Variants in WDR41 observed in about 807,000 individuals in gnomAD.
The protein encoded by WDR41 is WD repeat domain 41, also known as WD repeat-containing protein 41.
WDR41 carries 63 observed loss-of-function variants against 69.3 expected under a neutral mutation model. The ratio of observed to expected loss-of-function variants is 0.91; its 90% confidence interval spans 0.74 to 1.12. WDR41 has a LOEUF of 1.12. Ranked by LOEUF, WDR41 falls within the 50% of genes most tolerant of loss-of-function variation. The pLI is 0.00. For synonymous variants in WDR41, 185 were observed against 192.1 expected (o/e 0.96, Z 0.31); for missense variants, 543 against 534.5 (o/e 1.02, Z -0.16).
intron 3 of WDR41, 141 bp from the exon 4 acceptor site, chr5:77,463,367 A>G (rs1287339037): frequency 1.4e-5 from 9 of 657,450 alleles, no homozygotes; most frequent in Non-Finnish European, 2.0e-5. Flanking sequence ...AACTTAAGCA[A>G]TCACACAGAA....
chr5:77,528,904 T>C (rs1225183294), intron 1 of WDR41, among the ~76,000 whole-genome samples: 1 of 151,666 alleles, frequency 6.6e-6, no homozygotes, highest in African/African-American at 2.4e-5. Flanking sequence ...TGATAAAGAT[T>C]ATTTATTTAA....
At chr5:77,485,818 C>T (rs1446568816) in intron 2 of WDR41, among the ~76,000 whole-genome samples, 2 of 151,828 alleles carry the variant, frequency 1.3e-5, no homozygotes, top group East Asian at 1.9e-4. Flanking sequence ...AAAACCAATC[C>T]GAGAAAATTT....
chr5:77,463,544 A>G (rs1800163004), intron 3 of WDR41, among the ~76,000 whole-genome samples: 2 of 152,138 alleles, frequency 1.3e-5, no homozygotes, highest in South Asian at 4.1e-4. Flanking sequence ...AGTTTGCAGG[A>G]AAAAAATATG....
intron 1 of WDR41, among the ~76,000 whole-genome samples, chr5:77,569,954 C>A (rs1055441281): frequency 6.6e-6 from 1 of 152,168 alleles, no homozygotes; most frequent in Non-Finnish European, 1.5e-5. Flanking sequence ...GCTCAGCATA[C>A]AAGCACATCC....
chr5:77,463,864 A>G (rs1016537910), intron 3 of WDR41, among the ~76,000 whole-genome samples: 6 of 152,208 alleles, frequency 3.9e-5, no homozygotes, highest in African/African-American at 1.4e-4. Flanking sequence ...GGTGAAAATA[A>G]TGTTAAAGAA....
intron 2 of WDR41, among the ~76,000 whole-genome samples, chr5:77,471,305 A>G (rs1292024524): frequency 6.6e-6 from 1 of 152,230 alleles, no homozygotes; most frequent in Non-Finnish European, 1.5e-5. Context: ...ATAGCACTAA[A>G]TGCCCACAAG....
chr5:77,609,114 C>T (rs562168741), intron 1 of WDR41, among the ~76,000 whole-genome samples: 69 of 152,346 alleles, frequency 4.5e-4, no homozygotes, highest in African/African-American at 1.4e-3. Context: ...GGGCACCCGA[C>T]ATTGCCCAGG....
At chr5:77,619,223 G>A (rs980927401) in intron 1 of WDR41, among the ~76,000 whole-genome samples, 2 of 152,138 alleles carry the variant, frequency 1.3e-5, no homozygotes, top group Admixed American at 6.5e-5. Context: ...GGTACCTAAA[G>A]TCAAAGTCGA....
At chr5:77,489,695 C>G (rs746716588) in intron 1 of WDR41, 123 bp from the exon 2 acceptor site, 1 of 500,954 alleles carries the variant, frequency 2.0e-6, no homozygotes, top group Non-Finnish European at 3.5e-6. Flanking sequence ...TTTTAAAAGC[C>G]TTAAGGTATC....
chr5:77,529,895 A>C (rs1327661067), intron 1 of WDR41, among the ~76,000 whole-genome samples: 1 of 151,778 alleles, frequency 6.6e-6, no homozygotes, highest in East Asian at 1.9e-4. Flanking sequence ...ACCTAAGCAC[A>C]AAAAACAAAA....
At chr5:77,530,065 GAGAA>G (rs1802505316) in intron 1 of WDR41, among the ~76,000 whole-genome samples, 1 of 151,466 alleles carries the variant, frequency 6.6e-6, no homozygotes, top group Non-Finnish European at 1.5e-5. Context: ...CAAAATGAGA[GAGAA>G]AGAAAGATGC....
intron 1 of WDR41, among the ~76,000 whole-genome samples, chr5:77,589,839 G>A (rs1744105862): frequency 6.6e-6 from 1 of 151,954 alleles, no homozygotes; most frequent in African/African-American, 2.4e-5. Flanking sequence ...TATAGCACTA[G>A]CTAAGACTTC....
intron 1 of WDR41, among the ~76,000 whole-genome samples, chr5:77,610,209 T>C (rs1360975711): frequency 6.6e-6 from 1 of 152,088 alleles, no homozygotes. Context: ...ATGGGGAGAA[T>C]GGAACCAAGT....
chr5:77,465,158 T>A (rs1388452108), intron 2 of WDR41, among the ~76,000 whole-genome samples: 1 of 152,168 alleles, frequency 6.6e-6, no homozygotes, highest in Non-Finnish European at 1.5e-5. Flanking sequence ...GAAGTGATAT[T>A]CTAGGAAGTG....
At chr5:77,486,387 C>T (rs1461792056) in intron 2 of WDR41, among the ~76,000 whole-genome samples, 2 of 152,206 alleles carry the variant, frequency 1.3e-5, no homozygotes, top group African/African-American at 4.8e-5. Flanking sequence ...ATCTTAGACT[C>T]ACTGTGGTAG....
chr5:77,509,935 C>G (rs925304021), intron 1 of WDR41, among the ~76,000 whole-genome samples: 3 of 152,162 alleles, frequency 2.0e-5, no homozygotes, highest in Non-Finnish European at 4.4e-5. Context: ...GCAACTCTAG[C>G]AGTATATGAG....
intron 1 of WDR41, among the ~76,000 whole-genome samples, chr5:77,562,198 G>A (rs992758232): frequency 2.0e-5 from 3 of 152,164 alleles, no homozygotes; most frequent in African/African-American, 4.8e-5. Context: ...GCTGCAAGGT[G>A]CTTTCCATGC....
intron 1 of WDR41, among the ~76,000 whole-genome samples, chr5:77,509,383 A>G (rs1802161686): frequency 6.6e-6 from 1 of 152,164 alleles, no homozygotes; most frequent in Non-Finnish European, 1.5e-5. Context: ...TAATCAAGAG[A>G]AACAAAAACA....
Position 77,433,157 on chromosome 5 carries a change from C to A in WDR41, c.1358G>T (p.Gly453Val), listed in dbSNP as rs768074763. ...LRLFQKLEEN[G>V]DLYLAV is the part of the protein sequence containing the mutation. ...AAACTAGACAGCAAGGTATAAGTCA[C>A]CATTCTCCTCTAATTTTTGAAATAA... Residue 453 changes from glycine (G) to valine (V), a missense_variant, in exon 13 of 13, where the codon GGT becomes GTT. Transcript: ENST00000296679. The A allele has an allele frequency of 6.2e-7, 1 of 1,613,276 alleles. No homozygotes were observed.
Sources: allele counts gnomAD v4.1 joint callset (sites outside exome capture counted in the v4.1 genomes callset), GRCh38; gene constraint gnomAD v4.1.1; transcripts MANE v1.5; gene names NCBI Gene and HGNC (gene_info 2026-07-23, HGNC 2026-07-21).